ATP10A: variants seen among roughly 807,000 people sequenced by gnomAD.
ATP10A encodes the protein ATPase phospholipid transporting 10A (putative), also known as phospholipid-transporting ATPase VA.
A neutral mutation model predicts 147.8 loss-of-function variants in ATP10A; 111 were observed. The observed-to-expected ratio is 0.75, with a 90% CI of 0.64 to 0.88. The LOEUF is 0.88. Among genes scored for constraint, ATP10A ranks in the 40% least tolerant of loss-of-function variants. The probability of loss-of-function intolerance (pLI) is 0.00; values close to 1 mark genes in which losing one functional copy is unlikely to be tolerated. For missense variants in ATP10A, 1,927 were observed against 1,959.0 expected, an observed-to-expected ratio of 0.98 and a Z score of 0.31; for synonymous variants, 875 against 841.6, an observed-to-expected ratio of 1.04 and a Z score of -0.69.
intron 1 of ATP10A, among the ~76,000 whole-genome samples, chr15:25,824,012 T>C (rs1321236883): frequency 6.6e-6 from 1 of 152,284 alleles, no homozygotes; most frequent in African/African-American, 2.4e-5. Flanking sequence ...CATGCCTACA[T>C]GCCAGTTAAG....
In ATP10A at chr15:25,705,454, C is replaced by CAA. The variant is rs367718474; in HGVS notation, c.2575+2520_2575+2521dup. On this transcript the variant is annotated intron_variant, in intron 12 of 20. Transcript: ENST00000555815. ...CTGTCTCAAAGCAAAAAAAAAAAAA[C>CAA]AAAAAAAAAAAACAAAAAAAATCAC... is the stretch of plus-strand genomic sequence containing the variant. Among the ~76,000 whole-genome samples the CAA allele has an allele frequency of 3.4e-3, 280 of 81,922 alleles. 4 individuals are homozygous for CAA. Among genetic ancestry groups the CAA allele is most frequent in the African/African-American group, 5.5e-3 (140 of 25,398 alleles). The allele number at this position is 81,922 out of a possible 152,430, so 53.7% of individuals were successfully genotyped here. A position where few individuals can be genotyped will look rare whatever the true frequency, so the allele number is the denominator to read the frequency against.
At chr15:25,818,746 C>A (rs996180898) in intron 1 of ATP10A, among the ~76,000 whole-genome samples, 3 of 151,940 alleles carry the variant, frequency 2.0e-5, no homozygotes, top group Non-Finnish European at 4.4e-5. Flanking sequence ...AATATTGGTA[C>A]AAAAATAGAC....
chr15:25,777,096 C>CATGTGT lies in ATP10A; in HGVS notation c.654+3922_654+3923insACACAT, dbSNP rs1555468162. On this transcript the variant is annotated intron_variant, in intron 2 of 20. Transcript: ENST00000555815. ...GTGCATGCGTGTGTGTGCATACGTG[C>CATGTGT]GTGTGTGTGTGTGTGTGTGTGTACC... Among the ~76,000 whole-genome samples the CATGTGT allele has an allele frequency of 9.2e-3, 1,377 of 149,804 alleles. 10 individuals are homozygous for CATGTGT. The highest frequency in any genetic ancestry group is 0.013 in the Non-Finnish European group (867 of 67,430).
At chr15:25,781,699 C>A (rs1488394171) in intron 1 of ATP10A, among the ~76,000 whole-genome samples, 1 of 151,980 alleles carries the variant, frequency 6.6e-6, no homozygotes, top group Non-Finnish European at 1.5e-5. Context: ...ACCACTGAAG[C>A]TCACTCAAAG....
chr15:25,704,117 G>C (rs1256175337), intron 12 of ATP10A, among the ~76,000 whole-genome samples: 1 of 152,214 alleles, frequency 6.6e-6, no homozygotes, highest in Non-Finnish European at 1.5e-5. Context: ...GGGGCAGACT[G>C]TGTGTGGCCC....
At chr15:25,725,059 GAGGTGAGTGGC>G (rs1254875650) in intron 5 of ATP10A, among the ~76,000 whole-genome samples, 1 of 152,180 alleles carries the variant, frequency 6.6e-6, no homozygotes, top group Non-Finnish European at 1.5e-5. Flanking sequence ...AGCACAGCTG[GAGGTGAGTGGC>G]AGGTGAGTGA....
At chr15:25,749,038 G>A (rs1316657681) in intron 2 of ATP10A, among the ~76,000 whole-genome samples, 1 of 142,230 alleles carries the variant, frequency 7.0e-6, no homozygotes, top group Non-Finnish European at 1.5e-5. Flanking sequence ...ACTTCAGCCT[G>A]GGCAACAGAG....
At chr15:25,678,609 A>G (rs980528545), downstream of ATP10A, 4 of 152,132 alleles carry the variant, frequency 2.6e-5, no homozygotes, top group African/African-American at 9.7e-5. Context: ...TGTTTTCTTC[A>G]TAGCCTCTAA....
intron 10 of ATP10A, among the ~76,000 whole-genome samples, chr15:25,711,864 T>C (rs186123456): frequency 3.0e-4 from 46 of 152,038 alleles, no homozygotes; most frequent in African/African-American, 9.9e-4. Flanking sequence ...CGACTGTGAG[T>C]TTGATTTTGA....
intron 7 of ATP10A, among the ~76,000 whole-genome samples, chr15:25,721,430 A>AGGGC (rs1351054102): frequency 3.9e-5 from 6 of 152,204 alleles, no homozygotes; most frequent in Admixed American, 3.9e-4. Flanking sequence ...CTGCAGGAAC[A>AGGGC]GGGCGGGCGG....
intron 15 of ATP10A, among the ~76,000 whole-genome samples, chr15:25,690,237 T>A (rs1201564890): frequency 6.9e-6 from 1 of 145,418 alleles, no homozygotes; most frequent in Non-Finnish European, 1.5e-5. Context: ...TTTTCCTTTT[T>A]TTTAAAAAAA....
chr15:25,804,014 T>C (rs4563019), intron 1 of ATP10A, among the ~76,000 whole-genome samples: 138,729 of 151,308 alleles, frequency 0.92, 64,085 homozygotes, highest in East Asian at 1. Context: ...TTTGTCAGTA[T>C]GCAGCATGGT....
intron 2 of ATP10A, among the ~76,000 whole-genome samples, chr15:25,775,589 C>T (rs934942292): frequency 2.0e-5 from 3 of 152,238 alleles, no homozygotes; most frequent in Admixed American, 2.0e-4. Context: ...ACTGTGCACA[C>T]ACACACGTGC....
chr15:25,716,786 C>A lies in ATP10A; in HGVS notation c.1720G>T (p.Ala574Ser). Residue 574 changes from alanine to serine, a missense_variant, in exon 9 of 21, where the codon GCA becomes TCA. By Grantham distance (99) the Ala-to-Ser change is moderately conservative (BLOSUM62 1). Transcript: ENST00000555815. Reference protein sequence around the residue: ...ELSDVFDFFIALTICNTVVVT... With the variant: ...ELSDVFDFFISLTICNTVVVT... Reference sequence around the variant, plus strand: ...ACGACTGTGTTGCAGATGGTGAGTGCGATGAAGAAATCAAAGACGTCAGAC... The same window carrying A: ...ACGACTGTGTTGCAGATGGTGAGTGAGATGAAGAAATCAAAGACGTCAGAC... 1.2e-6 allele frequency: 2 copies of A among 1,607,872 alleles called. No individual in the cohort carries two copies. Among genetic ancestry groups the A allele is most frequent in the Non-Finnish European group, 1.7e-6 (2 of 1,177,364 alleles).
At chr15:25,698,474 A>G (rs193302021) in intron 13 of ATP10A, among the ~76,000 whole-genome samples, 34 of 152,284 alleles carry the variant, frequency 2.2e-4, no homozygotes, top group Admixed American at 1.8e-3. Flanking sequence ...AATACAGCAT[A>G]TAATACATAC....
At chr15:25,791,107 C>T (rs1596893381) in intron 1 of ATP10A, among the ~76,000 whole-genome samples, 1 of 139,902 alleles carries the variant, frequency 7.1e-6, no homozygotes, top group African/African-American at 2.6e-5. Context: ...TTTTTCAAGA[C>T]CCTTGCTCTG....
intron 2 of ATP10A, among the ~76,000 whole-genome samples, chr15:25,773,684 A>G (rs1889455505): frequency 2.0e-5 from 3 of 152,216 alleles, no homozygotes; most frequent in Admixed American, 1.3e-4. Context: ...AGAAAGTGAC[A>G]ACCTAATAAA....
chr15:25,727,317 T>C (rs759200801), intron 3 of ATP10A, 51 bp from the exon 4 acceptor site: 1 of 1,446,516 alleles, frequency 6.9e-7, no homozygotes, highest in Admixed American at 1.7e-5. Context: ...CTGTGCCTCA[T>C]GTCTGGAGCC....
intron 1 of ATP10A, among the ~76,000 whole-genome samples, chr15:25,785,373 T>C (rs1433314424): frequency 6.6e-6 from 1 of 152,152 alleles, no homozygotes; most frequent in Non-Finnish European, 1.5e-5. Context: ...GGGAGGGGCC[T>C]CAGGAGGACC....
Sources: gnomAD v4.1 joint callset for allele counts (sites outside exome capture counted in the v4.1 genomes callset) on GRCh38, gnomAD v4.1.1 for gene constraint, MANE v1.5 for transcripts, NCBI Gene and HGNC (gene_info 2026-07-23, HGNC 2026-07-21) for gene names.